Variants in IFT80 observed in about 807,000 individuals in gnomAD.
IFT80 encodes intraflagellar transport 80, also known as intraflagellar transport protein 80 homolog.
A neutral mutation model predicts 107.9 loss-of-function variants in IFT80; 79 were observed. The ratio of observed to expected loss-of-function variants is 0.73; its 90% confidence interval spans 0.61 to 0.88. The LOEUF (loss-of-function observed/expected upper bound fraction) is 0.88. Ranked by LOEUF, IFT80 falls within the 40% of genes least tolerant of loss-of-function variation. The probability of loss-of-function intolerance (pLI) is 0.00; values close to 1 mark genes in which losing one functional copy is unlikely to be tolerated. For missense variants in IFT80, 797 were observed against 914.2 expected (o/e 0.87, Z 1.65); for synonymous variants, 299 against 300.9 (o/e 0.99, Z 0.07).
rs549034656 is a variant in IFT80 at position 160,328,969 on chromosome 3, GA to G, written c.778-9031del. Reference sequence around the variant, plus strand: ...ATGAGAATACATGGACACATGGGGGGACAATGCACACTGGGTCCTACTGGAG... The same window carrying G: ...ATGAGAATACATGGACACATGGGGGGCAATGCACACTGGGTCCTACTGGAG... On this transcript the variant is annotated intron_variant, in intron 8 of 19. Coordinates refer to ENST00000326448, the MANE Select transcript of IFT80 (RefSeq NM_020800.3). Among the ~76,000 whole-genome samples, 305 of 151,682 alleles carry G rather than the reference GA, an allele frequency of 2.0e-3. 1 individual carries two copies. Among genetic ancestry groups the G allele is most frequent in the African/African-American group, 6.3e-3 (263 of 41,422 alleles).
chr3:160,291,107 C>T (rs1715517884), intron 12 of IFT80, among the ~76,000 whole-genome samples: 1 of 152,112 alleles, frequency 6.6e-6, no homozygotes, highest in Non-Finnish European at 1.5e-5. Flanking sequence ...TACAAAAACG[C>T]TGGGTAGAAT....
In IFT80 at chr3:160,332,099, A is replaced by T. The variant is rs562846750; in HGVS notation, c.778-12160T>A. Reference sequence around the variant, plus strand: ...TTATTTCCTGTAAATTAGTAGTTAGATTTAGAGTCTTGATCAGATTCAGGT... The same window carrying T: ...TTATTTCCTGTAAATTAGTAGTTAGTTTTAGAGTCTTGATCAGATTCAGGT... On this transcript the variant is annotated intron_variant, in intron 8 of 19. Coordinates refer to ENST00000326448, the MANE Select transcript of IFT80 (RefSeq NM_020800.3). 1.2e-4 allele frequency among the ~76,000 whole-genome samples: 18 copies of T among 152,238 alleles called. No homozygotes were observed. The South Asian group carries it at 3.5e-3, about 30-fold the overall frequency.
At chr3:160,302,049 G>C (rs954843555) in intron 11 of IFT80, among the ~76,000 whole-genome samples, 1 of 151,794 alleles carries the variant, frequency 6.6e-6, no homozygotes, top group Non-Finnish European at 1.5e-5. Flanking sequence ...TTGTTTTATT[G>C]CCCTTTGAAA....
intron 9 of IFT80, among the ~76,000 whole-genome samples, chr3:160,311,416 A>G (rs921335760): frequency 6.6e-6 from 1 of 152,236 alleles, no homozygotes; most frequent in Non-Finnish European, 1.5e-5. Context: ...GACGTTAGGA[A>G]AAGACTGGGG....
At chr3:160,296,145 A>C (rs554223768) in intron 12 of IFT80, among the ~76,000 whole-genome samples, 1 of 152,296 alleles carries the variant, frequency 6.6e-6, no homozygotes, top group South Asian at 2.1e-4. Flanking sequence ...ATCTGTTAAA[A>C]AGGTAGATCT....
chr3:160,287,612 C>A (rs907420778), intron 12 of IFT80, among the ~76,000 whole-genome samples: 4 of 152,148 alleles, frequency 2.6e-5, no homozygotes, highest in African/African-American at 9.7e-5. Context: ...ATGCTGCAAT[C>A]AGTTATTGGA....
intron 9 of IFT80, among the ~76,000 whole-genome samples, chr3:160,312,676 TAATAAATATATATTATA>T: frequency 1.8e-5 from 1 of 54,618 alleles, no homozygotes; most frequent in South Asian, 4.5e-4. Context: ...ATAATATATA[TAATAAATATATATTATA>T]TATAAATATA....
rs572424392 is a variant in IFT80, at chr3:160,333,464, G to A, written c.778-13525C>T. ...TAACACTAAACTTAAAATAAAACAC[G>A]TTGTGACAGCTGTACAAATATATTT... On this transcript the variant is annotated intron_variant, in intron 8 of 19. Coordinates refer to ENST00000326448, the MANE Select transcript of IFT80 (RefSeq NM_020800.3). Among the ~76,000 whole-genome samples, 5 of 152,056 alleles carry A rather than the reference G, an allele frequency of 3.3e-5. No homozygotes were observed. In the South Asian group the frequency reaches 6.2e-4, roughly 19 times the overall value.
At position 160,369,965 on chromosome 3, in the gene IFT80, G is replaced by A. The variant is rs1346299681; in HGVS notation, c.440-3813C>T. 5.3e-5 allele frequency among the ~76,000 whole-genome samples: 8 copies of A among 152,180 alleles called. No homozygotes were observed. The East Asian group carries it at 1.5e-3, about 29-fold the overall frequency. On this transcript the variant is annotated intron_variant, in intron 5 of 19. Coordinates refer to ENST00000326448, the MANE Select transcript of IFT80 (RefSeq NM_020800.3). The stretch of plus-strand genomic sequence containing the variant: ...TAAGAAACCACATGCACCTGGGGTT[G>A]TGTTAAATGTCAGACCCTTATCTCT...
intron 8 of IFT80, among the ~76,000 whole-genome samples, chr3:160,338,254 A>G (rs185736176): frequency 7.2e-5 from 11 of 152,278 alleles, no homozygotes; most frequent in Admixed American, 3.3e-4. Context: ...AGAGAACTGG[A>G]CTTCCATATC....
At chr3:160,358,365 T>C (rs1282902085) in intron 6 of IFT80, among the ~76,000 whole-genome samples, 1 of 151,904 alleles carries the variant, frequency 6.6e-6, no homozygotes, top group Non-Finnish European at 1.5e-5. Context: ...TACTACCCTC[T>C]TCATTTCATT....
chr3:160,380,369 C>T (rs781202478), intron 3 of IFT80, among the ~76,000 whole-genome samples: 3 of 152,076 alleles, frequency 2.0e-5, no homozygotes, highest in Non-Finnish European at 2.9e-5. Flanking sequence ...AAGGGTCCCT[C>T]TGCAAGCTGC....
intron 8 of IFT80, among the ~76,000 whole-genome samples, chr3:160,339,926 A>G (rs964048920): frequency 2.0e-5 from 3 of 152,280 alleles, no homozygotes; most frequent in African/African-American, 7.2e-5. Context: ...AGACTGACCA[A>G]TTTGGTTTTT....
intron 1 of IFT80, among the ~76,000 whole-genome samples, chr3:160,389,411 T>G (rs867500626): frequency 2.0e-5 from 3 of 151,668 alleles, no homozygotes; most frequent in South Asian, 4.2e-4. Context: ...ACATGTGCCA[T>G]GCTGGTGTGC....
rs1238159017 is a variant in IFT80, at chr3:160,389,544, T to C, written c.-46-4898A>G. Among the ~76,000 whole-genome samples, 7 of 137,606 alleles carry C rather than the reference T, an allele frequency of 5.1e-5. No homozygotes were observed. The South Asian group carries it at 9.5e-4, about 19-fold the overall frequency. 90.3% of individuals were successfully genotyped at this position (137,606 alleles called of 152,430 possible). On this transcript the variant is annotated intron_variant, in intron 1 of 19. Coordinates refer to ENST00000326448, the MANE Select transcript of IFT80 (RefSeq NM_020800.3). ...CCCTTCCTGTGTCCATGTGTTCTCA[T>C]TGTTCAATTCCCACCTATGAGTGAG...
At chr3:160,321,968 G>C (rs192201676) in intron 8 of IFT80, among the ~76,000 whole-genome samples, 1 of 151,558 alleles carries the variant, frequency 6.6e-6, no homozygotes, top group Non-Finnish European at 1.5e-5. Flanking sequence ...GTTTAAGAAA[G>C]GAGATCTGAC....
chr3:160,360,770 T>A (rs1417289976), intron 6 of IFT80, among the ~76,000 whole-genome samples: 1 of 152,104 alleles, frequency 6.6e-6, no homozygotes, highest in Non-Finnish European at 1.5e-5. Context: ...GCTTCATAAG[T>A]GAAGGAGAAA....
At chr3:160,270,050 G>A (rs141997256) in intron 18 of IFT80, among the ~76,000 whole-genome samples, 2,561 of 152,264 alleles carry the variant, frequency 0.017, 36 homozygotes, top group Non-Finnish European at 0.026. Context: ...GCCCAGGCTG[G>A]AGTGCAGTGG....
At chr3:160,328,915 T>C (rs1314619939) in intron 8 of IFT80, among the ~76,000 whole-genome samples, 1 of 151,818 alleles carries the variant, frequency 6.6e-6, no homozygotes, top group Non-Finnish European at 1.5e-5. Context: ...AAATACCACA[T>C]GCTCTCATTC....
Sources: allele counts gnomAD v4.1 joint callset (sites outside exome capture counted in the v4.1 genomes callset), GRCh38; gene constraint gnomAD v4.1.1; transcripts MANE v1.5; gene names NCBI Gene and HGNC (gene_info 2026-07-23, HGNC 2026-07-21).